SP4: variants seen among roughly 807,000 people sequenced by gnomAD.
The protein encoded by SP4 is transcription factor Sp4.
In SP4, 19 loss-of-function variants were observed where a neutral mutation model predicts 72.8. The ratio of observed to expected loss-of-function variants is 0.26; its 90% CI spans 0.18 to 0.38. The LOEUF (loss-of-function observed/expected upper bound fraction) is 0.38. Ranked by LOEUF, SP4 falls within the 10% of genes least tolerant of loss-of-function variation. The pLI is 1.00. For synonymous variants in SP4, 395 were observed against 333.1 expected, an observed-to-expected ratio of 1.19 and a Z score of -2.02; for missense variants, 1,008 against 926.3, an observed-to-expected ratio of 1.09 and a Z score of -1.14.
At chr7:21,460,834 C>T (rs1394397525) in intron 3 of SP4, among the ~76,000 whole-genome samples, 1 of 152,140 alleles carries the variant, frequency 6.6e-6, no homozygotes, top group African/African-American at 2.4e-5. Flanking sequence ...ATTTACAAAC[C>T]TTGAGCTAGA....
intron 3 of SP4, chr7:21,471,018 T>C: frequency 1.9e-6 from 1 of 533,464 alleles, no homozygotes; most frequent in Non-Finnish European, 3.9e-6. Context: ...CCAAGGGAGA[T>C]GGAGGTTTGG....
At chr7:21,500,770 G>A (rs1453411016) in intron 5 of SP4, among the ~76,000 whole-genome samples, 2 of 152,140 alleles carry the variant, frequency 1.3e-5, no homozygotes, top group Admixed American at 6.5e-5. Context: ...TCGCTTTTAA[G>A]AATTCATGTG....
intron 3 of SP4, among the ~76,000 whole-genome samples, chr7:21,463,457 A>C (rs908041320): frequency 6.6e-6 from 1 of 152,220 alleles, no homozygotes; most frequent in African/African-American, 2.4e-5. Flanking sequence ...AGAACACCAG[A>C]AAGTGGATGA....
At chr7:21,468,251 A>G (rs989953885) in intron 3 of SP4, among the ~76,000 whole-genome samples, 1 of 152,028 alleles carries the variant, frequency 6.6e-6, no homozygotes, top group Admixed American at 6.6e-5. Flanking sequence ...GCTTTTTCAG[A>G]CTTTTCTTAG....
Position 21,428,199 on chromosome 7 carries a change from C to CCCCCCCCCCCA in SP4, c.-53_-52insCCCCCCCCCCA. The CCCCCCCCCCCA allele has an allele frequency of 7.1e-6, 8 of 1,119,106 alleles. No homozygotes were observed. The highest frequency in any genetic ancestry group is 5.2e-6 in the Non-Finnish European group (4 of 767,782). The allele number at this position is 1,119,106 out of a possible 1,614,324, so 69.3% of individuals were successfully genotyped here. A position where few individuals can be genotyped will look rare whatever the true frequency, so the allele number is the denominator to read the frequency against. ...TCTCCTCCCGCCTCGCCCCCACCCC[C>CCCCCCCCCCCA]ACCCACCTCTATCCCAGTGTCTCCG... On this transcript the variant is annotated 5_prime_UTR_variant, in exon 1 of 6. Coordinates refer to ENST00000222584, the MANE Select transcript of SP4 (RefSeq NM_003112.5).
intron 3 of SP4, among the ~76,000 whole-genome samples, chr7:21,466,807 A>G (rs926456356): frequency 1.3e-5 from 2 of 150,718 alleles, no homozygotes; most frequent in African/African-American, 4.9e-5. Flanking sequence ...TTTTTTTACC[A>G]CCAGTGTACC....
chr7:21,481,097 G>C (rs1264756371), intron 4 of SP4, among the ~76,000 whole-genome samples: 1 of 152,196 alleles, frequency 6.6e-6, no homozygotes, highest in Non-Finnish European at 1.5e-5. Context: ...AATGGGCCAG[G>C]TCAAGGGCAA....
chr7:21,506,367 C>T (rs1782000493), intron 5 of SP4, among the ~76,000 whole-genome samples: 1 of 152,182 alleles, frequency 6.6e-6, no homozygotes, highest in South Asian at 2.1e-4. Context: ...TAGTCTTCAT[C>T]AATAGTCATG....
intron 4 of SP4, 81 bp downstream of exon 4, chr7:21,477,388 G>A: frequency 2.4e-6 from 2 of 821,310 alleles, no homozygotes; most frequent in Admixed American, 4.1e-5. Flanking sequence ...TGGGAATGAT[G>A]GTCACTAGAA....
Position 21,428,663 on chromosome 7 carries a change from G to A in SP4, c.8-14G>A. 1.3e-6 allele frequency: 2 copies of A among 1,536,992 alleles called. No individual in the cohort carries two copies. The highest frequency in any genetic ancestry group is 1.8e-6 in the Non-Finnish European group (2 of 1,134,000). ...CCTGTTGTCGTGTGTGTGTGGTGGG[G>A]GGGTTTGTTGCAGATCAGAAGAAGG... On this transcript the variant is annotated splice_polypyrimidine_tract_variant and intron_variant, in intron 1 of 5. Coordinates refer to ENST00000222584, the MANE Select transcript of SP4 (RefSeq NM_003112.5).
chr7:21,441,298 A>T (rs1164473132), intron 3 of SP4, among the ~76,000 whole-genome samples: 1 of 152,194 alleles, frequency 6.6e-6, no homozygotes, highest in African/African-American at 2.4e-5. Flanking sequence ...GGGACCAAAG[A>T]TTGGAAAAGC....
chr7:21,468,332 C>T (rs1036818281), intron 3 of SP4, among the ~76,000 whole-genome samples: 5 of 152,110 alleles, frequency 3.3e-5, no homozygotes, highest in Admixed American at 6.5e-5. Flanking sequence ...ATTGCATTCA[C>T]TTCCTAGAAT....
At position 21,430,011 on chromosome 7, in the gene SP4, G is replaced by C. The variant is rs765285909; in HGVS notation, c.846G>C (p.Gln282His). The C allele has an allele frequency of 9.9e-6, 16 of 1,614,080 alleles. No homozygotes were observed. The highest frequency in any genetic ancestry group is 3.3e-4 in the Middle Eastern group (2 of 6,084). Residue 282 changes from glutamine to histidine, a missense_variant, in exon 3 of 6, where the codon CAG (glutamine) becomes CAC (histidine). Physicochemically the swap from Gln to His is conservative, Grantham distance 24. Transcript: ENST00000222584. ...NNVAAGGGTG[Q>H]VGQPAATADS... The stretch of plus-strand genomic sequence containing the variant: ...TGGCTGCCGGAGGAGGGACTGGGCA[G>C]GTTGGCCAGCCTGCTGCTACTGCTG...
At chr7:21,435,181 G>T (rs1783008135) in intron 3 of SP4, among the ~76,000 whole-genome samples, 1 of 152,150 alleles carries the variant, frequency 6.6e-6, no homozygotes, top group Non-Finnish European at 1.5e-5. Flanking sequence ...ATTGATGAAT[G>T]AATATTTCTT....
intron 5 of SP4, among the ~76,000 whole-genome samples, chr7:21,510,376 T>G (rs1277568240): frequency 6.8e-6 from 1 of 146,794 alleles, no homozygotes; most frequent in Non-Finnish European, 1.5e-5. Flanking sequence ...AACATTAAAC[T>G]AGCTTTTATT....
chr7:21,451,243 A>G (rs144247476), intron 3 of SP4, among the ~76,000 whole-genome samples: 1 of 152,258 alleles, frequency 6.6e-6, no homozygotes, highest in African/African-American at 2.4e-5. Flanking sequence ...CCAACTCCTG[A>G]GATCTTATCA....
At chr7:21,507,850 A>G (rs1782040986) in intron 5 of SP4, among the ~76,000 whole-genome samples, 1 of 151,902 alleles carries the variant, frequency 6.6e-6, no homozygotes, top group Non-Finnish European at 1.5e-5. Context: ...GAATCACTTC[A>G]TCCATTCTCT....
intron 3 of SP4, among the ~76,000 whole-genome samples, chr7:21,444,963 CT>C (rs1783375765): frequency 1.3e-5 from 2 of 152,056 alleles, no homozygotes; most frequent in South Asian, 4.1e-4. Flanking sequence ...TCCTTGTGTT[CT>C]TTTGGGGGTT....
chr7:21,471,416 T>C (rs1427464277), intron 3 of SP4, among the ~76,000 whole-genome samples: 4 of 152,224 alleles, frequency 2.6e-5, no homozygotes, highest in South Asian at 4.1e-4. Flanking sequence ...ATAATGTATA[T>C]GGTGGAAAGA....
Sources: gnomAD v4.1 joint callset for allele counts (sites outside exome capture counted in the v4.1 genomes callset) on GRCh38, gnomAD v4.1.1 for gene constraint, MANE v1.5 for transcripts, NCBI Gene and HGNC (gene_info 2026-07-23, HGNC 2026-07-21) for gene names.